Variants in TMEM132C observed in about 807,000 individuals in gnomAD.
TMEM132C encodes the protein transmembrane protein 132C, also known as protein phosphatase 1, regulatory subunit 152.
TMEM132C carries 29 observed loss-of-function variants against 61.4 expected under a neutral mutation model. The ratio of observed to expected loss-of-function variants is 0.47; its 90% confidence interval spans 0.35 to 0.64. The LOEUF is 0.64. TMEM132C is among the 30% of genes least tolerant of loss of function. The pLI, the probability that TMEM132C is intolerant of heterozygous loss-of-function variation, is 0.00. For synonymous variants in TMEM132C, 656 were observed against 633.1 expected (o/e 1.04, Z -0.54); for missense variants, 1,408 against 1,476.9 (o/e 0.95, Z 0.76).
chr12:128,464,032 A>T (rs1462794063), intron 2 of TMEM132C, among the ~76,000 whole-genome samples: 2 of 152,140 alleles, frequency 1.3e-5, no homozygotes, highest in African/African-American at 4.8e-5. Flanking sequence ...ATTTCAACAG[A>T]CAAGGGAGGA....
At chr12:128,393,062 A>G (rs1278837992) in intron 1 of TMEM132C, among the ~76,000 whole-genome samples, 1 of 152,246 alleles carries the variant, frequency 6.6e-6, no homozygotes, top group Non-Finnish European at 1.5e-5. Context: ...TTCTTGCAGA[A>G]CAAAAAGTCC....
At position 128,706,308 on chromosome 12, in the gene TMEM132C, A is replaced by G; in HGVS notation, c.*13A>G. 5 of 1,503,576 alleles carry G rather than the reference A, an allele frequency of 3.3e-6. No individual in the cohort carries two copies. Among genetic ancestry groups the G allele is most frequent in the Non-Finnish European group, 4.4e-6 (5 of 1,123,790 alleles). 93.1% of individuals were successfully genotyped at this position (1,503,576 alleles called of 1,614,324 possible). A position where few individuals can be genotyped will look rare whatever the true frequency, so the allele number is the denominator to read the frequency against. On this transcript the variant is annotated 3_prime_UTR_variant, in exon 9 of 9. Coordinates refer to ENST00000435159, the MANE Select transcript of TMEM132C (RefSeq NM_001136103.3). ...AGATAAGGCTTAGGCCCCTCTAGCC[A>G]AAGGGCCCTGCCCAGATGCCTTCCT...
At chr12:128,388,683 G>A (rs1385286133) in intron 1 of TMEM132C, among the ~76,000 whole-genome samples, 1 of 152,234 alleles carries the variant, frequency 6.6e-6, no homozygotes, top group Admixed American at 6.5e-5. Context: ...TGCTGTGGGG[G>A]CCACCCCAAA....
chr12:128,497,088 G>C (rs1314921044), intron 2 of TMEM132C, among the ~76,000 whole-genome samples: 1 of 152,224 alleles, frequency 6.6e-6, no homozygotes, highest in African/African-American at 2.4e-5. Context: ...GGAGTTTGCT[G>C]GAGGTCCACT....
intron 3 of TMEM132C, among the ~76,000 whole-genome samples, chr12:128,599,246 A>G (rs1876082849): frequency 2.0e-5 from 3 of 152,180 alleles, no homozygotes; most frequent in Admixed American, 2.0e-4. Flanking sequence ...TGATAATCTC[A>G]GGTTACCTAA....
At chr12:128,581,673 C>T (rs1875339873) in intron 3 of TMEM132C, among the ~76,000 whole-genome samples, 1 of 152,210 alleles carries the variant, frequency 6.6e-6, no homozygotes, top group Non-Finnish European at 1.5e-5. Flanking sequence ...TGTCGATTTG[C>T]CTGACTTCTC....
At chr12:128,496,835 C>G (rs1032358862) in intron 2 of TMEM132C, among the ~76,000 whole-genome samples, 1 of 152,244 alleles carries the variant, frequency 6.6e-6, no homozygotes, top group African/African-American at 2.4e-5. Context: ...CTCAACTCGT[C>G]AAAGTCATTC....
At chr12:128,602,593 C>A (rs1876236021) in intron 3 of TMEM132C, among the ~76,000 whole-genome samples, 1 of 152,202 alleles carries the variant, frequency 6.6e-6, no homozygotes, top group African/African-American at 2.4e-5. Flanking sequence ...ACCAAGGCAT[C>A]CATGTTTCTA....
At chr12:128,340,741 CT>C (rs1286938551) in intron 1 of TMEM132C, among the ~76,000 whole-genome samples, 18 of 149,070 alleles carry the variant, frequency 1.2e-4, no homozygotes, top group African/African-American at 2.3e-4. Flanking sequence ...TCCTTCCTTT[CT>C]TTTTTTCTTT....
At chr12:128,338,571 G>T (rs2135951373) in intron 1 of TMEM132C, among the ~76,000 whole-genome samples, 1 of 152,058 alleles carries the variant, frequency 6.6e-6, no homozygotes, top group African/African-American at 2.4e-5. Context: ...CACATGCTGG[G>T]TGCTCCCATC....
intron 2 of TMEM132C, among the ~76,000 whole-genome samples, chr12:128,440,268 A>G (rs532825914): frequency 9.2e-5 from 14 of 152,194 alleles, no homozygotes; most frequent in Non-Finnish European, 1.9e-4. Flanking sequence ...AAGGCTTTAA[A>G]CATAAGATGA....
At chr12:128,450,051 G>A (rs943537059) in intron 2 of TMEM132C, among the ~76,000 whole-genome samples, 28 of 152,174 alleles carry the variant, frequency 1.8e-4, no homozygotes, top group Admixed American at 7.2e-4. Context: ...TGGTGTGAAA[G>A]GAAGGCACTG....
intron 2 of TMEM132C, among the ~76,000 whole-genome samples, chr12:128,527,707 A>ATG (rs5801799): frequency 0.77 from 112,969 of 147,020 alleles, 43,505 homozygotes; most frequent in Middle Eastern, 0.86. Flanking sequence ...ATGTGCATGT[A>ATG]TGTGTGTGTG....
chr12:128,356,119 C>T (rs564304221), intron 1 of TMEM132C, among the ~76,000 whole-genome samples: 18 of 152,308 alleles, frequency 1.2e-4, no homozygotes, highest in African/African-American at 3.9e-4. Context: ...CCCTTGAACA[C>T]CCTTAGGGTT....
At chr12:128,690,265 T>C (rs1954709745) in intron 5 of TMEM132C, among the ~76,000 whole-genome samples, 1 of 152,160 alleles carries the variant, frequency 6.6e-6, no homozygotes, top group Non-Finnish European at 1.5e-5. Context: ...CAATGAAAGA[T>C]GAAAAGCAGT....
Position 128,706,614 on chromosome 12 carries a change from ATT to A in TMEM132C, c.*321_*322del. 1 of 231,884 alleles carries A rather than the reference ATT, an allele frequency of 4.3e-6. No individual in the cohort carries two copies. Among genetic ancestry groups the A allele is most frequent in the East Asian group, 8.7e-5 (1 of 11,444 alleles). 14.4% of individuals were successfully genotyped at this position (231,884 alleles called of 1,614,324 possible). ...TACTACAGACAAGCTACCAAAAATTATTTGTTAAAAAATGCAACAAGACAAAT... is the reference window on the plus strand; with the variant it reads ...TACTACAGACAAGCTACCAAAAATTATGTTAAAAAATGCAACAAGACAAAT... On this transcript the variant is annotated 3_prime_UTR_variant, in exon 9 of 9. Coordinates refer to ENST00000435159, the MANE Select transcript of TMEM132C (RefSeq NM_001136103.3).
intron 2 of TMEM132C, among the ~76,000 whole-genome samples, chr12:128,436,397 C>G (rs1295501299): frequency 6.6e-6 from 1 of 152,066 alleles, no homozygotes; most frequent in Non-Finnish European, 1.5e-5. Flanking sequence ...TGCAATCTCC[C>G]CATCTGACAA....
intron 3 of TMEM132C, among the ~76,000 whole-genome samples, chr12:128,609,861 G>A (rs943997273): frequency 6.6e-6 from 1 of 152,204 alleles, no homozygotes; most frequent in Non-Finnish European, 1.5e-5. Context: ...TGACAGCACT[G>A]TCCTCTCTAG....
intron 2 of TMEM132C, among the ~76,000 whole-genome samples, chr12:128,421,273 G>T (rs1179634598): frequency 6.6e-6 from 1 of 152,168 alleles, no homozygotes; most frequent in African/African-American, 2.4e-5. Flanking sequence ...AGTGAATAAA[G>T]AACATGTGGT....
Sources: gnomAD v4.1 joint callset for allele counts (sites outside exome capture counted in the v4.1 genomes callset) on GRCh38, gnomAD v4.1.1 for gene constraint, MANE v1.5 for transcripts, NCBI Gene and HGNC (gene_info 2026-07-23, HGNC 2026-07-21) for gene names.